Variants in SOX5 observed in about 807,000 individuals in gnomAD.
SOX5 encodes the protein SRY-box transcription factor 5.
Under a neutral mutation model 92.0 loss-of-function variants are expected in SOX5, and 9 were observed. The ratio of observed to expected loss-of-function variants is 0.10; its 90% CI spans 0.06 to 0.17. SOX5 has a LOEUF of 0.17. Among genes scored for constraint, SOX5 ranks in the 10% least tolerant of loss-of-function variants. The pLI is 1.00. For missense variants in SOX5, 642 were observed against 944.5 expected (o/e 0.68, Z 4.20); for synonymous variants, 344 against 336.3 (o/e 1.02, Z -0.25).
chr12:23,789,264 T>TTTTCAAAGGC (rs1255833098), intron 3 of SOX5, among the ~76,000 whole-genome samples: 7 of 152,018 alleles, frequency 4.6e-5, no homozygotes, highest in Non-Finnish European at 1.0e-4. Context: ...TATGTTACCA[T>TTTTCAAAGGC]TTTCAAAGGC....
intron 4 of SOX5, among the ~76,000 whole-genome samples, chr12:23,987,824 C>T (rs903630211): frequency 6.6e-6 from 1 of 151,960 alleles, no homozygotes; most frequent in Admixed American, 6.6e-5. Context: ...GATTCTAAGA[C>T]ACATGGTAAA....
intron 2 of SOX5, among the ~76,000 whole-genome samples, chr12:24,294,946 AG>A (rs1467009085): frequency 6.6e-6 from 1 of 152,218 alleles, no homozygotes; most frequent in Non-Finnish European, 1.5e-5. Context: ...CATCCACAAA[AG>A]GTAAAATATG....
At chr12:24,148,498 A>G (rs1951304753) in intron 4 of SOX5, among the ~76,000 whole-genome samples, 1 of 141,340 alleles carries the variant, frequency 7.1e-6, no homozygotes, top group Non-Finnish European at 1.5e-5. Flanking sequence ...AAAAAAAAAA[A>G]AAAAAAGAGA....
intron 4 of SOX5, among the ~76,000 whole-genome samples, chr12:23,985,127 C>G (rs1198501574): frequency 6.6e-6 from 1 of 152,118 alleles, no homozygotes; most frequent in Admixed American, 6.6e-5. Context: ...TCAAGTGCAT[C>G]ATTTTTTTAG....
intron 4 of SOX5, among the ~76,000 whole-genome samples, chr12:23,753,719 C>T (rs923499722): frequency 2.0e-5 from 3 of 151,756 alleles, no homozygotes; most frequent in African/African-American, 4.8e-5. Flanking sequence ...AGGAAAACTA[C>T]ATTCCTGGGC....
chr12:23,709,269 T>C (rs959701114), intron 6 of SOX5, among the ~76,000 whole-genome samples: 1 of 152,034 alleles, frequency 6.6e-6, no homozygotes, highest in African/African-American at 2.4e-5. Context: ...CCCCAGCTAA[T>C]ATTTTTAATT....
chr12:23,932,563 A>G (rs895751022), intron 1 of SOX5, among the ~76,000 whole-genome samples: 19 of 151,700 alleles, frequency 1.3e-4, no homozygotes, highest in Non-Finnish European at 2.5e-4. Context: ...TTTCAAGTGA[A>G]TCAGAAAAGA....
At chr12:24,311,483 A>C (rs1005293922) in intron 2 of SOX5, among the ~76,000 whole-genome samples, 8 of 152,234 alleles carry the variant, frequency 5.3e-5, no homozygotes, top group African/African-American at 1.9e-4. Context: ...TGTTGAACTA[A>C]TTTTGGGGAT....
At chr12:23,661,831 TTTAG>T (rs1240134123) in intron 7 of SOX5, among the ~76,000 whole-genome samples, 1 of 152,174 alleles carries the variant, frequency 6.6e-6, no homozygotes, top group African/African-American at 2.4e-5. Flanking sequence ...GACTTGAAAC[TTTAG>T]TTACTTAGTT....
At position 24,313,799 on chromosome 12, in the gene SOX5, C is replaced by T. The variant is rs117260684; in HGVS notation, c.-173-36487G>A. ...AACCCCAATTTATATTTATTTTTAG[C>T]CCACGCTTCTGTTCAATATTTCTAG... On this transcript the variant is annotated intron_variant, in intron 2 of 4. Transcript: ENST00000446891. Among the ~76,000 whole-genome samples, 176 of 152,288 alleles carry T rather than the reference C, an allele frequency of 1.2e-3. 2 individuals are homozygous for T. The East Asian group carries it at 0.032, about 28-fold the overall frequency.
intron 4 of SOX5, among the ~76,000 whole-genome samples, chr12:24,126,594 C>T (rs568354038): frequency 2.0e-5 from 3 of 152,304 alleles, no homozygotes; most frequent in Admixed American, 6.5e-5. Context: ...CCCATTAGCA[C>T]CTTTTGTTTG....
In SOX5 at chr12:23,570,925, AAAAAAATATATATATATATATATATAT is replaced by A. The variant is rs1359569263; in HGVS notation, c.1342+4709_1342+4735del. 3.4e-3 allele frequency among the ~76,000 whole-genome samples: 121 copies of A among 35,732 alleles called. 6 individuals are homozygous for A. The highest frequency in any genetic ancestry group is 8.0e-3 in the African/African-American group (67 of 8,360). 23.4% of individuals were successfully genotyped at this position (35,732 alleles called of 152,430 possible). A position where few individuals can be genotyped will look rare whatever the true frequency, so the allele number is the denominator to read the frequency against. ...GACTCCAACTCAAAAAAAAAAAAAA[AAAAAAATATATATATATATATATATAT>A]ATATATATATATATATATATATATA... On this transcript the variant is annotated intron_variant, in intron 10 of 14. Transcript: ENST00000451604.
intron 3 of SOX5, among the ~76,000 whole-genome samples, chr12:24,236,726 G>C (rs1464500): frequency 6.6e-6 from 1 of 152,052 alleles, no homozygotes; most frequent in African/African-American, 2.4e-5. Context: ...CTTTGTTGAA[G>C]TGAATTCAGT....
In SOX5 at chr12:24,505,848, T is replaced by TGCGC. The variant is rs1566334085; in HGVS notation, c.-251+56480_-251+56481insGCGC. On this transcript the variant is annotated intron_variant, in intron 1 of 4. Coordinates refer to the SOX5 transcript ENST00000446891. ...CTTGGTATGTGTGTGTGTGTGTGTG[T>TGCGC]GTGTGCGTGTGTGTGTGTGTGTGTG... is the stretch of plus-strand genomic sequence containing the variant. Among the ~76,000 whole-genome samples, 137 of 141,160 alleles carry TGCGC rather than the reference T, an allele frequency of 9.7e-4. 1 individual carries two copies. Among genetic ancestry groups the TGCGC allele is most frequent in the Middle Eastern group, 3.7e-3 (1 of 270 alleles). 92.6% of individuals were successfully genotyped at this position (141,160 alleles called of 152,430 possible).
chr12:23,605,407 T>A (rs1033803623), intron 8 of SOX5, among the ~76,000 whole-genome samples: 11 of 149,450 alleles, frequency 7.4e-5, no homozygotes, highest in Admixed American at 2.0e-4. Flanking sequence ...TTTAAATAAC[T>A]ATGTAAGAAA....
intron 4 of SOX5, among the ~76,000 whole-genome samples, chr12:24,119,968 G>T (rs1948448950): frequency 6.6e-6 from 1 of 152,140 alleles, no homozygotes; most frequent in South Asian, 2.1e-4. Context: ...TGCGATGGTT[G>T]TTAAATTCAT....
intron 4 of SOX5, among the ~76,000 whole-genome samples, chr12:23,999,140 C>CGTG (rs71445976): frequency 6.4e-5 from 9 of 141,306 alleles, no homozygotes; most frequent in Admixed American, 2.1e-4. Flanking sequence ...AAAAAAGACT[C>CGTG]TGTGTGTGTG....
chr12:24,254,397 C>CA lies in SOX5; in HGVS notation c.-77+22818dup, dbSNP rs144861251. ...CATTGTAAGTTGTAAAAAAAAAAGT[C>CA]AAAAAAAAATACATCTAATACATCT... On this transcript the variant is annotated intron_variant, in intron 3 of 4. Transcript: ENST00000446891. 6.1e-3 allele frequency among the ~76,000 whole-genome samples: 897 copies of CA among 147,116 alleles called. 3 individuals are homozygous for CA. Among genetic ancestry groups the CA allele is most frequent in the African/African-American group, 0.011 (437 of 39,980 alleles).
chr12:23,756,334 T>C lies in SOX5; in HGVS notation c.482-610A>G, dbSNP rs149327266. On this transcript the variant is annotated intron_variant, in intron 3 of 14. Coordinates refer to ENST00000451604, the MANE Select transcript of SOX5 (RefSeq NM_006940.6). ...CTGCCTATAATGGAAACCTATTATT[T>C]GCTTATTTCAGATTTGTATCACACT... Among the ~76,000 whole-genome samples the C allele has an allele frequency of 3.1e-3, 468 of 151,988 alleles. 1 individual carries two copies. The highest frequency in any genetic ancestry group is 0.011 in the African/African-American group (444 of 41,524).
Sources: gnomAD v4.1 joint callset for allele counts (sites outside exome capture counted in the v4.1 genomes callset) on GRCh38, gnomAD v4.1.1 for gene constraint, MANE v1.5 for transcripts, NCBI Gene and HGNC (gene_info 2026-07-23, HGNC 2026-07-21) for gene names.